NFIX: variants seen among roughly 807,000 people sequenced by gnomAD.
The protein encoded by NFIX is nuclear factor 1 X-type.
A neutral mutation model predicts 53.3 loss-of-function variants in NFIX; 2 were observed. That is an observed-to-expected ratio of 0.04 (90% CI 0.02 to 0.12). The LOEUF is 0.12. Among genes scored for constraint, NFIX ranks in the 10% least tolerant of loss-of-function variants. The probability of loss-of-function intolerance (pLI) is 1.00; values close to 1 mark genes in which losing one functional copy is unlikely to be tolerated. For synonymous variants in NFIX, 244 were observed against 289.0 expected (o/e 0.84, Z 1.58); for missense variants, 310 against 674.5 (o/e 0.46, Z 5.99).
At chr19:13,061,352 CGCTGCCA>C (rs2016075408) in intron 2 of NFIX, among the ~76,000 whole-genome samples, 2 of 152,232 alleles carry the variant, frequency 1.3e-5, no homozygotes, top group Admixed American at 1.3e-4. Flanking sequence ...CAACAGGAGC[CGCTGCCA>C]CGGGCAGCTC....
Position 13,073,300 on chromosome 19 carries a change from G to A in NFIX, c.623-122G>A, listed in dbSNP as rs558303280. On this transcript the variant is annotated intron_variant, in intron 3 of 10. Transcript: ENST00000592199. The surrounding 1 kb of genome is among the most constrained non-coding windows in gnomAD (Gnocchi z 4.5). Reference sequence around the variant, plus strand: ...CCCCCTGTTCGGTGTAGACCTGAGGGCTAGCCTGGAGCTGGAAACGGGACT... The same window carrying A: ...CCCCCTGTTCGGTGTAGACCTGAGGACTAGCCTGGAGCTGGAAACGGGACT... The A allele has an allele frequency of 1.2e-4, 122 of 997,516 alleles. No homozygotes were observed. In the African/African-American group the frequency reaches 1.8e-3, roughly 15 times the overall value. 61.8% of individuals were successfully genotyped at this position (997,516 alleles called of 1,614,324 possible).
At position 12,996,049 on chromosome 19, in the gene NFIX, A is replaced by G. The variant is rs2145118007; in HGVS notation, c.27+185A>G. On this transcript the variant is annotated intron_variant, in intron 1 of 10. Transcript: ENST00000592199. The surrounding 1 kb of genome is among the most constrained non-coding windows in gnomAD (Gnocchi z 5.2). ...GTGCGGGCGTCACCGTGCGCGTGCG[A>G]CCCTGGCCACCGGGCGGACTCCTTT... 6.6e-6 allele frequency among the ~76,000 whole-genome samples: 1 copy of G among 150,842 alleles called. No individual in the cohort carries two copies. Among genetic ancestry groups the G allele is most frequent in the South Asian group, 2.1e-4 (1 of 4,796 alleles).
rs569395477 is a variant in NFIX, at chr19:13,041,719, G to A, written c.559+16167G>A. Among the ~76,000 whole-genome samples, 6 of 151,572 alleles carry A rather than the reference G, an allele frequency of 4.0e-5. No homozygotes were observed. In the South Asian group the frequency reaches 8.4e-4, roughly 21 times the overall value. ...TGAGGCAGGAGAATCACTTGAACCC[G>A]GGAGGCAGAGGTTGCAGTCAGCCGA... On this transcript the variant is annotated intron_variant, in intron 2 of 10. Coordinates refer to ENST00000592199, the MANE Select transcript of NFIX (RefSeq NM_001365902.3).
chr19:13,065,289 GC>G (rs972685786), intron 2 of NFIX, among the ~76,000 whole-genome samples: 1 of 152,190 alleles, frequency 6.6e-6, no homozygotes, highest in African/African-American at 2.4e-5. Flanking sequence ...CAGGCCAATG[GC>G]TCCTGCCCAA....
chr19:13,035,508 C>T (rs2014123659), intron 2 of NFIX, among the ~76,000 whole-genome samples: 1 of 152,194 alleles, frequency 6.6e-6, no homozygotes, highest in South Asian at 2.1e-4. Context: ...TATCAGACCC[C>T]AAAGAACAGC....
At chr19:13,069,127 G>A (rs995668260) in intron 2 of NFIX, among the ~76,000 whole-genome samples, 1 of 152,064 alleles carries the variant, frequency 6.6e-6, no homozygotes, top group Non-Finnish European at 1.5e-5. Context: ...GGTGTGGGGC[G>A]AGGGGAAGCA....
At position 13,095,747 on chromosome 19, in the gene NFIX, C is replaced by T. The variant is rs780164157; in HGVS notation, c.*1098C>T. On this transcript the variant is annotated 3_prime_UTR_variant, in exon 11 of 11. Coordinates refer to ENST00000592199, the MANE Select transcript of NFIX (RefSeq NM_001365902.3). ...GCGCTTAGGTAGGCGTCCTGCTCGC[C>T]GACTTTCAGTTCCTTGGGAGGGTGT... is the stretch of plus-strand genomic sequence containing the variant. The T allele has an allele frequency of 6.6e-6, 1 of 152,250 alleles. No homozygotes were observed. The highest frequency in any genetic ancestry group is 1.5e-5 in the Non-Finnish European group (1 of 68,052). 9.4% of individuals were successfully genotyped at this position (152,250 alleles called of 1,614,324 possible).
chr19:13,079,220 C>T (rs1456530665), intron 7 of NFIX, among the ~76,000 whole-genome samples: 4 of 152,074 alleles, frequency 2.6e-5, no homozygotes, highest in East Asian at 3.9e-4. Flanking sequence ...CAGGCTCCTG[C>T]GGCAAGTAGC....
chr19:13,034,040 G>A (rs2014003382), intron 2 of NFIX, among the ~76,000 whole-genome samples: 1 of 152,236 alleles, frequency 6.6e-6, no homozygotes, highest in Non-Finnish European at 1.5e-5. Flanking sequence ...GTCACATGAT[G>A]AGTTTCTGGC....
rs2012941266 is a variant in NFIX at position 13,021,180 on chromosome 19, G to A, written c.28-3841G>A. 6.6e-6 allele frequency among the ~76,000 whole-genome samples: 1 copy of A among 152,174 alleles called. No homozygotes were observed. The highest frequency in any genetic ancestry group is 3.4e-3 in the Middle Eastern group (1 of 294). On this transcript the variant is annotated intron_variant, in intron 1 of 10. Coordinates refer to ENST00000592199, the MANE Select transcript of NFIX (RefSeq NM_001365902.3). The surrounding 1 kb of genome is among the most constrained non-coding windows in gnomAD (Gnocchi z 4.2). ...TTGGTACCTTATGTCATGTCTCTGA[G>A]CTAACATCTTTGGCTGATTGGACTG...
chr19:13,039,804 G>A (rs1229712667), intron 2 of NFIX, among the ~76,000 whole-genome samples: 2 of 152,132 alleles, frequency 1.3e-5, no homozygotes, highest in African/African-American at 2.4e-5. Flanking sequence ...TGTCTCTCGC[G>A]CAGCTTATAG....
intron 6 of NFIX, 103 bp downstream of exon 6, chr19:13,075,774 G>C: frequency 7.4e-7 from 1 of 1,358,998 alleles, no homozygotes; most frequent in South Asian, 1.4e-5. Flanking sequence ...TCCCCCTGTC[G>C]GGGGGCATTA....
At chr19:13,053,792 TAGA>T (rs772801813) in intron 2 of NFIX, among the ~76,000 whole-genome samples, 1 of 152,034 alleles carries the variant, frequency 6.6e-6, no homozygotes, top group Non-Finnish European at 1.5e-5. Context: ...TGGGGCCTGA[TAGA>T]AGAACCTGCC....
At position 13,073,821 on chromosome 19, in the gene NFIX, T is replaced by G. The variant is rs1048363615; in HGVS notation, c.698-85T>G. The G allele has an allele frequency of 4.3e-5, 67 of 1,575,808 alleles. No homozygotes were observed. The highest frequency in any genetic ancestry group is 5.5e-5 in the Non-Finnish European group (63 of 1,152,750). ...CCCCACAGTAAACTCACCCTGGGCT[T>G]CTGGGAAGCTGTTCATGACAAAGAA... On this transcript the variant is annotated intron_variant, in intron 4 of 10. Coordinates refer to ENST00000592199, the MANE Select transcript of NFIX (RefSeq NM_001365902.3). This position sits in a 1 kb window ranked among gnomAD's most constrained non-coding sequence, Gnocchi z 4.5.
At chr19:13,063,627 C>G (rs906275386) in intron 2 of NFIX, among the ~76,000 whole-genome samples, 1 of 152,080 alleles carries the variant, frequency 6.6e-6, no homozygotes, top group African/African-American at 2.4e-5. Flanking sequence ...GGCCCTGATT[C>G]TCTACTGTGG....
At chr19:13,046,324 T>C (rs2014978310) in intron 2 of NFIX, among the ~76,000 whole-genome samples, 1 of 152,192 alleles carries the variant, frequency 6.6e-6, no homozygotes, top group African/African-American at 2.4e-5. Context: ...GCCTGCTTGC[T>C]GTGGGCAGGG....
intron 1 of NFIX, among the ~76,000 whole-genome samples, chr19:13,003,108 G>T (rs951702492): frequency 6.6e-6 from 1 of 151,968 alleles, no homozygotes; most frequent in African/African-American, 2.4e-5. Flanking sequence ...AGTTGGGGGG[G>T]GGTTTATTCC....
At position 13,049,935 on chromosome 19, in the gene NFIX, C is replaced by A. The variant is rs1011909533; in HGVS notation, c.560-23112C>A. Reference sequence around the variant, plus strand: ...AATAATATTTAATTGTATGGCTGTGCCACATTTTGTTTATCCATTCATACA... The same window carrying A: ...AATAATATTTAATTGTATGGCTGTGACACATTTTGTTTATCCATTCATACA... On this transcript the variant is annotated intron_variant, in intron 2 of 10. Transcript: ENST00000592199. The surrounding 1 kb of genome is among the most constrained non-coding windows in gnomAD (Gnocchi z 4.5). Among the ~76,000 whole-genome samples the A allele has an allele frequency of 6.6e-6, 1 of 152,212 alleles. No individual in the cohort carries two copies. Among genetic ancestry groups the A allele is most frequent in the Admixed American group, 6.5e-5 (1 of 15,282 alleles).
rs535425276 is a variant in NFIX, at chr19:13,040,339, C to G, written c.559+14787C>G. Among the ~76,000 whole-genome samples, 4 of 152,316 alleles carry G rather than the reference C, an allele frequency of 2.6e-5. No individual in the cohort carries two copies. In the South Asian group the frequency reaches 8.3e-4, roughly 32 times the overall value. ...TCCTCCCTTTTGGCCACAAAGCACA[C>G]AGCCCCCCAGAGGCCATGTCCTCTC... On this transcript the variant is annotated intron_variant, in intron 2 of 10. Coordinates refer to ENST00000592199, the MANE Select transcript of NFIX (RefSeq NM_001365902.3). The surrounding 1 kb of genome is among the most constrained non-coding windows in gnomAD (Gnocchi z 4.2).
Sources: gnomAD v4.1 joint callset for allele counts (sites outside exome capture counted in the v4.1 genomes callset) on GRCh38, gnomAD v4.1.1 for gene constraint, Gnocchi (gnomAD v3.1) non-coding constraint, MANE v1.5 for transcripts, NCBI Gene and HGNC (gene_info 2026-07-23, HGNC 2026-07-21) for gene names.